Variants in UQCRC2 observed in about 807,000 individuals in gnomAD.
The protein encoded by UQCRC2 is cytochrome b-c1 complex subunit 2, mitochondrial.
Under a neutral mutation model 55.6 loss-of-function variants are expected in UQCRC2, and 49 were observed. That is an observed-to-expected ratio of 0.88 (90% CI 0.70 to 1.12). UQCRC2 has a LOEUF of 1.12. Among genes scored for constraint, UQCRC2 ranks in the 50% most tolerant of loss-of-function variants. The pLI is 0.00. For missense variants in UQCRC2, 506 were observed against 547.8 expected (o/e 0.92, Z 0.76); for synonymous variants, 193 against 192.0 (o/e 1.01, Z -0.04).
intron 4 of UQCRC2, chr16:21,959,386 C>G (rs147829871): frequency 7.4e-6 from 2 of 270,812 alleles, no homozygotes; most frequent in East Asian, 2.6e-4. Flanking sequence ...CAAGAAACCA[C>G]TTTGTTTGCT....
Position 21,958,551 on chromosome 16 carries a change from C to A in UQCRC2, c.284C>A (p.Ser95Ter). Reference sequence around the variant, plus strand: ...TTTTTCAAGACGACAAAAGGAGCTTCATCTTTCAAGATAACCCGTGGAATT... The same window carrying A: ...TTTTTCAAGACGACAAAAGGAGCTTAATCTTTCAAGATAACCCGTGGAATT... ...LTSSLTTKGASSFKITRGIEA... is the reference protein window; with the variant it reads ...LTSSLTTKGA The change falls in exon 4 of 14, where the codon TCA (serine) becomes TAA (stop). Residue 95 changes from serine to a stop codon, truncating the protein, a stop_gained. Transcript: ENST00000268379. LOFTEE classifies it high-confidence loss of function. 1 of 1,612,476 alleles carries A rather than the reference C, an allele frequency of 6.2e-7. No homozygotes were observed. The highest frequency in any genetic ancestry group is 8.5e-7 in the Non-Finnish European group (1 of 1,179,572).
intron 7 of UQCRC2, among the ~76,000 whole-genome samples, chr16:21,967,145 T>G (rs1403775408): frequency 6.6e-6 from 1 of 152,110 alleles, no homozygotes; most frequent in African/African-American, 2.4e-5. Flanking sequence ...CTAAAGAAAT[T>G]GGCGCTAGAA....
Position 21,980,712 on chromosome 16 carries a change from A to G in UQCRC2, c.1278+12A>G. ...CTGATATCATAAATGTAAGTAAATG[A>G]AAACTTAACGATTTAACAACAGAGA... On this transcript the variant is annotated intron_variant, in intron 13 of 13. Transcript: ENST00000268379. 1 of 1,612,426 alleles carries G rather than the reference A, an allele frequency of 6.2e-7. No homozygotes were observed. Among genetic ancestry groups the G allele is most frequent in the African/African-American group, 1.3e-5 (1 of 74,920 alleles).
At position 21,971,417 on chromosome 16, in the gene UQCRC2, T is replaced by A. The variant is rs189002116; in HGVS notation, c.671-108T>A. On this transcript the variant is annotated intron_variant, in intron 8 of 13. Coordinates refer to ENST00000268379, the MANE Select transcript of UQCRC2 (RefSeq NM_003366.4). The stretch of plus-strand genomic sequence containing the variant: ...ATGGCAGGAAGACTCTTATTTATTT[T>A]GTAGTGTTAGGATTTTACAATCGTA... 1,058 of 871,984 alleles carry A rather than the reference T, an allele frequency of 1.2e-3. 15 individuals carry two copies. The East Asian group carries it at 0.025, about 21-fold the overall frequency. 54.0% of individuals were successfully genotyped at this position (871,984 alleles called of 1,614,324 possible). A position where few individuals can be genotyped will look rare whatever the true frequency, so the allele number is the denominator to read the frequency against.
chr16:21,965,836 T>G (rs1416247978), intron 7 of UQCRC2, among the ~76,000 whole-genome samples: 1 of 152,128 alleles, frequency 6.6e-6, no homozygotes. Flanking sequence ...CCGTTTTCTG[T>G]GTGTATGTAT....
chr16:21,956,958 A>G (rs1486809194), intron 1 of UQCRC2, among the ~76,000 whole-genome samples: 1 of 151,924 alleles, frequency 6.6e-6, no homozygotes, highest in Non-Finnish European at 1.5e-5. Flanking sequence ...AATTCCAGCT[A>G]TTTGGGAGGC....
At chr16:21,977,449 T>C (rs1898612876) in intron 12 of UQCRC2, among the ~76,000 whole-genome samples, 1 of 152,196 alleles carries the variant, frequency 6.6e-6, no homozygotes, top group South Asian at 2.1e-4. Flanking sequence ...TATTCTACAA[T>C]AGTTTCTTTC....
chr16:21,971,406 C>T (rs1567476037), intron 8 of UQCRC2, 119 bp from the exon 9 acceptor site: 3 of 795,774 alleles, frequency 3.8e-6, no homozygotes, highest in Non-Finnish European at 5.9e-6. Flanking sequence ...CAGGAAGACT[C>T]TTATTTATTT....
intron 8 of UQCRC2, among the ~76,000 whole-genome samples, chr16:21,970,630 G>C (rs187450989): frequency 6.6e-6 from 1 of 152,218 alleles, no homozygotes; most frequent in East Asian, 1.9e-4. Context: ...CTGTTGCCCA[G>C]GCTGGAGTGC....
chr16:21,982,318 T>A (rs1168474495), intron 13 of UQCRC2, among the ~76,000 whole-genome samples: 1 of 152,188 alleles, frequency 6.6e-6, no homozygotes, highest in East Asian at 1.9e-4. Context: ...AACCAGCCTT[T>A]GAACTTGGAA....
At chr16:21,960,657 G>A (rs1898178672) in intron 4 of UQCRC2, among the ~76,000 whole-genome samples, 1 of 152,108 alleles carries the variant, frequency 6.6e-6, no homozygotes, top group Non-Finnish European at 1.5e-5. Flanking sequence ...TTTAAAGTGA[G>A]AGACATGAGA....
chr16:21,976,294 A>G, intron 12 of UQCRC2, 51 bp downstream of exon 12: 4 of 1,444,290 alleles, frequency 2.8e-6, no homozygotes, highest in South Asian at 2.3e-5. Flanking sequence ...TGAAAGTTGT[A>G]TTCTTTTCAG....
chr16:21,969,365 C>T (rs934334571), intron 8 of UQCRC2, among the ~76,000 whole-genome samples: 3 of 152,152 alleles, frequency 2.0e-5, no homozygotes, highest in Non-Finnish European at 4.4e-5. Flanking sequence ...GAAACCCCGT[C>T]TCTACTAAAA....
chr16:21,978,678 C>T (rs1424871791), intron 12 of UQCRC2, among the ~76,000 whole-genome samples: 1 of 152,212 alleles, frequency 6.6e-6, no homozygotes, highest in African/African-American at 2.4e-5. Context: ...TAATTTCGTA[C>T]TGACAGCTTT....
In UQCRC2 at chr16:21,983,358, T is replaced by TA. The variant is rs561526497; in HGVS notation, c.*188dup. On this transcript the variant is annotated 3_prime_UTR_variant, in exon 14 of 14. Transcript: ENST00000268379. ...AAACATTCTGTTTAAGTGTTTTTCT[T>TA]ACGTTTTTCTCAATGAGTTAATCAA... The TA allele has an allele frequency of 5.8e-4, 314 of 539,454 alleles. No homozygotes were observed. Among genetic ancestry groups the TA allele is most frequent in the African/African-American group, 5.3e-3 (271 of 51,346 alleles). The allele number at this position is 539,454 out of a possible 1,614,324, so 33.4% of individuals were successfully genotyped here.
chr16:21,972,014 T>C lies in UQCRC2; in HGVS notation c.858T>C (p.Phe286=). The stretch of plus-strand genomic sequence containing the variant: ...CGGGAAGTGCAGAGGCAAATGCATT[T>C]AGTGTTCTTCAGCATGTCCTCGGTG... ...AVAGSAEANA[F]SVLQHVLGAG... Residue 286 remains phenylalanine (F), a synonymous_variant, in exon 10 of 14, where the codon TTT becomes TTC. Coordinates refer to ENST00000268379, the MANE Select transcript of UQCRC2 (RefSeq NM_003366.4). The C allele has an allele frequency of 1.9e-6, 3 of 1,614,180 alleles. No individual in the cohort carries two copies. The highest frequency in any genetic ancestry group is 2.5e-6 in the Non-Finnish European group (3 of 1,180,026).
intron 4 of UQCRC2, chr16:21,959,782 A>G (rs1351290205): frequency 6.6e-6 from 1 of 152,232 alleles, no homozygotes; most frequent in Non-Finnish European, 1.5e-5. Context: ...TCCTTGATCC[A>G]TGGGGTGCAG....
intron 8 of UQCRC2, among the ~76,000 whole-genome samples, chr16:21,969,249 C>G (rs963377382): frequency 6.6e-6 from 1 of 151,982 alleles, no homozygotes; most frequent in African/African-American, 2.4e-5. Flanking sequence ...TGTTAAAATT[C>G]TAGGCTGGGC....
intron 4 of UQCRC2, chr16:21,962,255 A>T (rs894305006): frequency 3.4e-6 from 2 of 580,662 alleles, no homozygotes; most frequent in African/African-American, 3.7e-5. Context: ...ACCAGATTTC[A>T]CTCCTTTTAA....
Sources: allele counts gnomAD v4.1 joint callset (sites outside exome capture counted in the v4.1 genomes callset), GRCh38; gene constraint gnomAD v4.1.1; transcripts MANE v1.5; gene names NCBI Gene and HGNC (gene_info 2026-07-23, HGNC 2026-07-21).